CYTH3: variants seen among roughly 807,000 people sequenced by gnomAD.
The protein encoded by CYTH3 is cytohesin 3, also known as cytohesin-3.
In CYTH3, 23 loss-of-function variants were observed where a neutral mutation model predicts 55.1. The observed-to-expected ratio is 0.42, with a 90% CI of 0.30 to 0.59. The LOEUF is 0.59. Among genes scored for constraint, CYTH3 ranks in the 20% least tolerant of loss-of-function variants. The pLI, the probability that CYTH3 is intolerant of heterozygous loss-of-function variation, is 0.20. For missense variants in CYTH3, 413 were observed against 524.8 expected (o/e 0.79, Z 2.08); for synonymous variants, 249 against 194.9 (o/e 1.28, Z -2.31).
intron 1 of CYTH3, among the ~76,000 whole-genome samples, chr7:6,191,583 G>A (rs1204357709): frequency 6.7e-6 from 1 of 149,650 alleles, no homozygotes; most frequent in Non-Finnish European, 1.5e-5. Context: ...TTTCAGGGTA[G>A]GGAAGGACTT....
At chr7:6,202,534 G>T (rs1363115331) in intron 1 of CYTH3, among the ~76,000 whole-genome samples, 1 of 148,850 alleles carries the variant, frequency 6.7e-6, no homozygotes, top group Non-Finnish European at 1.5e-5. Flanking sequence ...GCGAATCTCA[G>T]CTCACCGCAA....
intron 1 of CYTH3, among the ~76,000 whole-genome samples, chr7:6,210,790 G>A (rs2128549135): frequency 6.6e-6 from 1 of 152,240 alleles, no homozygotes; most frequent in South Asian, 2.1e-4. Flanking sequence ...TTCCTCCTCA[G>A]CATCTTTAAC....
At chr7:6,187,883 A>G (rs1562886576) in intron 2 of CYTH3, among the ~76,000 whole-genome samples, 162 bp from the exon 3 acceptor site, 1 of 152,184 alleles carries the variant, frequency 6.6e-6, no homozygotes, top group Non-Finnish European at 1.5e-5. Flanking sequence ...AGAGCTTCAT[A>G]GTCAAAGCCA....
intron 1 of CYTH3, among the ~76,000 whole-genome samples, chr7:6,198,722 CAT>C (rs997310630): frequency 1.3e-5 from 2 of 149,224 alleles, no homozygotes; most frequent in Non-Finnish European, 1.5e-5. Flanking sequence ...CATACACAAA[CAT>C]ATAAAAAGGC....
At chr7:6,202,458 T>G (rs78496165) in intron 1 of CYTH3, among the ~76,000 whole-genome samples, 1 of 103,820 alleles carries the variant, frequency 9.6e-6, no homozygotes, top group Non-Finnish European at 1.8e-5. Context: ...CCATTGCTAG[T>G]TTTTTTTTTT....
intron 1 of CYTH3, among the ~76,000 whole-genome samples, chr7:6,219,320 C>A (rs971832045): frequency 4.6e-5 from 7 of 152,166 alleles, no homozygotes; most frequent in African/African-American, 1.7e-4. Context: ...AACCTGGTTT[C>A]TTCTTGCGCT....
chr7:6,214,980 A>G (rs1436747050), intron 1 of CYTH3, among the ~76,000 whole-genome samples: 1 of 152,170 alleles, frequency 6.6e-6, no homozygotes, highest in Non-Finnish European at 1.5e-5. Context: ...TAAATTTTTA[A>G]AAAGACAAAA....
intron 1 of CYTH3, among the ~76,000 whole-genome samples, chr7:6,265,096 G>T (rs890098774): frequency 2.6e-5 from 4 of 152,134 alleles, no homozygotes; most frequent in Non-Finnish European, 5.9e-5. Flanking sequence ...GAGTGTGCTT[G>T]GCAAGGAGAC....
chr7:6,192,844 T>G (rs1783834294), intron 1 of CYTH3, among the ~76,000 whole-genome samples: 1 of 151,718 alleles, frequency 6.6e-6, no homozygotes, highest in Non-Finnish European at 1.5e-5. Flanking sequence ...ACAAGTCAAT[T>G]TTTAAAAGAC....
intron 1 of CYTH3, among the ~76,000 whole-genome samples, chr7:6,220,259 A>G (rs1784522804): frequency 1.3e-5 from 2 of 152,208 alleles, no homozygotes; most frequent in South Asian, 4.1e-4. Flanking sequence ...ATTCTTTTCA[A>G]TAAATATTGC....
intron 1 of CYTH3, among the ~76,000 whole-genome samples, chr7:6,209,285 T>G (rs1020129581): frequency 6.6e-6 from 1 of 152,248 alleles, no homozygotes; most frequent in Non-Finnish European, 1.5e-5. Flanking sequence ...AAATTTCAAA[T>G]TAAATACTGC....
rs1480627285 is a variant in CYTH3 at position 6,259,769 on chromosome 7, AT to A, written c.34+12704del. On this transcript the variant is annotated intron_variant, in intron 1 of 12. Coordinates refer to ENST00000350796, the MANE Select transcript of CYTH3 (RefSeq NM_004227.4). ...ATATATATATATATTATATATATAT[AT>A]ATTATATATATATAATATATATATA... Among the ~76,000 whole-genome samples the A allele has an allele frequency of 8.5e-3, 197 of 23,300 alleles. 18 individuals are homozygous for A. The highest frequency in any genetic ancestry group is 0.06 in the African/African-American group (150 of 2,518). The allele number at this position is 23,300 out of a possible 152,430, so 15.3% of individuals were successfully genotyped here.
intron 1 of CYTH3, among the ~76,000 whole-genome samples, chr7:6,245,191 G>A (rs1421648077): frequency 6.6e-6 from 1 of 151,700 alleles, no homozygotes; most frequent in Non-Finnish European, 1.5e-5. Context: ...AAAAATGCAG[G>A]GGGAAAGTGT....
At chr7:6,203,487 C>A (rs1784108092) in intron 1 of CYTH3, among the ~76,000 whole-genome samples, 1 of 152,158 alleles carries the variant, frequency 6.6e-6, no homozygotes. Flanking sequence ...TTGATACTTT[C>A]TGGTAAGATC....
intron 9 of CYTH3, among the ~76,000 whole-genome samples, chr7:6,166,803 T>A (rs1163734230): frequency 6.6e-6 from 1 of 152,148 alleles, no homozygotes; most frequent in East Asian, 1.9e-4. Context: ...CCGTCCTCCT[T>A]TGATGCCTAA....
intron 1 of CYTH3, among the ~76,000 whole-genome samples, chr7:6,272,045 C>G (rs912226798): frequency 6.6e-6 from 1 of 152,240 alleles, no homozygotes; most frequent in East Asian, 1.9e-4. Flanking sequence ...CCCGGTTTCC[C>G]ACCGGCTCAG....
chr7:6,183,771 C>T (rs1783564831), intron 4 of CYTH3, among the ~76,000 whole-genome samples: 1 of 151,782 alleles, frequency 6.6e-6, no homozygotes. Flanking sequence ...CCCAAACCCC[C>T]ACTGTGATGC....
chr7:6,253,836 A>C (rs954217595), intron 1 of CYTH3, among the ~76,000 whole-genome samples: 14 of 149,872 alleles, frequency 9.3e-5, no homozygotes, highest in African/African-American at 3.0e-4. Flanking sequence ...ATAAATAAAT[A>C]AACAAAAGAG....
intron 1 of CYTH3, among the ~76,000 whole-genome samples, chr7:6,227,894 T>C (rs1291217951): frequency 6.6e-6 from 1 of 152,194 alleles, no homozygotes; most frequent in African/African-American, 2.4e-5. Context: ...GGTATACAAG[T>C]GCTCACTTTC....
Sources: allele counts gnomAD v4.1 joint callset (sites outside exome capture counted in the v4.1 genomes callset), GRCh38; gene constraint gnomAD v4.1.1; transcripts MANE v1.5; gene names NCBI Gene and HGNC (gene_info 2026-07-23, HGNC 2026-07-21).